The following CATSPER3 variants were observed in gnomAD, a reference collection of about 807,000 sequenced individuals.
CATSPER3 encodes the protein cation channel sperm-associated protein 3.
In CATSPER3, 23 loss-of-function variants were observed where a neutral mutation model predicts 36.6. That is an observed-to-expected ratio of 0.63 (90% CI 0.45 to 0.89). The LOEUF is 0.89. Among genes scored for constraint, CATSPER3 ranks in the 40% least tolerant of loss-of-function variants. CATSPER3 has a pLI of 0.00. For missense variants in CATSPER3, 474 were observed against 503.9 expected (o/e 0.94, Z 0.57); for synonymous variants, 172 against 184.1 (o/e 0.93, Z 0.53).
chr5:134,998,410 T>C lies in CATSPER3; in HGVS notation c.492+1898T>C, dbSNP rs965396846. On this transcript the variant is annotated intron_variant, in intron 3 of 7. Coordinates refer to ENST00000282611, the MANE Select transcript of CATSPER3 (RefSeq NM_178019.3). ...TGCATGTGTCTTTATAGCAGCATGATTTATAATCCTTTGGGTATATACCCA... is the reference window on the plus strand; with the variant it reads ...TGCATGTGTCTTTATAGCAGCATGACTTATAATCCTTTGGGTATATACCCA... 4.6e-5 allele frequency among the ~76,000 whole-genome samples: 7 copies of C among 152,352 alleles called. No homozygotes were observed. The South Asian group carries it at 1.0e-3, about 23-fold the overall frequency.
intron 6 of CATSPER3, 56 bp downstream of exon 6, chr5:135,009,546 G>A (rs2149554104): frequency 2.0e-6 from 1 of 506,066 alleles, no homozygotes; most frequent in Admixed American, 3.7e-5. Context: ...TCAGGCTGAT[G>A]AGATGGCCAG....
chr5:135,007,805 C>CAA, intron 3 of CATSPER3, 152 bp from the exon 4 acceptor site: 4 of 47,928 alleles, frequency 8.3e-5, no homozygotes, highest in Admixed American at 2.9e-4. Flanking sequence ...AACCAACCAA[C>CAA]CCACCCACCC....
intron 2 of CATSPER3, among the ~76,000 whole-genome samples, chr5:134,977,910 A>AAG (rs1352841392): frequency 6.6e-6 from 1 of 152,068 alleles, no homozygotes; most frequent in Non-Finnish European, 1.5e-5. Context: ...GAGAGAGAGC[A>AAG]AGAGAGAGAG....
chr5:134,968,193 C>G, intron 1 of CATSPER3, 104 bp downstream of exon 1: 1 of 825,912 alleles, frequency 1.2e-6, no homozygotes, highest in Non-Finnish European at 2.0e-6. Flanking sequence ...TACTCGTCTG[C>G]TTACCAAAAT....
chr5:134,979,128 A>G (rs1057235598), intron 2 of CATSPER3, among the ~76,000 whole-genome samples: 7 of 151,816 alleles, frequency 4.6e-5, no homozygotes, highest in African/African-American at 1.7e-4. Context: ...CCTTGGTTCC[A>G]GAGCAGACTT....
chr5:134,994,720 T>C (rs1751922442), intron 2 of CATSPER3, among the ~76,000 whole-genome samples: 1 of 152,218 alleles, frequency 6.6e-6, no homozygotes, highest in African/African-American at 2.4e-5. Flanking sequence ...GACAGTTTGC[T>C]TGTCTAACCA....
At chr5:134,989,301 A>G (rs1254631597) in intron 2 of CATSPER3, among the ~76,000 whole-genome samples, 1 of 152,062 alleles carries the variant, frequency 6.6e-6, no homozygotes, top group African/African-American at 2.4e-5. Context: ...TTACCCCCTA[A>G]CAAGAGAGTC....
At position 134,968,098 on chromosome 5, in the gene CATSPER3, T is replaced by G. The variant is rs376218231; in HGVS notation, c.98+9T>G. On this transcript the variant is annotated intron_variant, in intron 1 of 7. Coordinates refer to ENST00000282611, the MANE Select transcript of CATSPER3 (RefSeq NM_178019.3). Reference sequence around the variant, plus strand: ...ACATTCAAGAAATTTAAGTAAATATTATCTATCTCCATTGCCTGTTAAGAA... The same window carrying G: ...ACATTCAAGAAATTTAAGTAAATATGATCTATCTCCATTGCCTGTTAAGAA... The G allele has an allele frequency of 3.2e-6, 5 of 1,568,530 alleles. No homozygotes were observed. In the African/African-American group the frequency reaches 6.8e-5, roughly 21 times the overall value.
chr5:134,986,382 G>C (rs1751808466), intron 2 of CATSPER3, among the ~76,000 whole-genome samples: 2 of 151,030 alleles, frequency 1.3e-5, no homozygotes, highest in African/African-American at 4.9e-5. Context: ...GACCTCAGGT[G>C]ATCCACTCAC....
intron 6 of CATSPER3, 43 bp downstream of exon 6, chr5:135,009,533 T>C (rs1360053075): frequency 3.5e-6 from 3 of 847,468 alleles, no homozygotes; most frequent in Non-Finnish European, 4.6e-6. Context: ...GGTGGATGGA[T>C]CGTCAGGCTG....
intron 2 of CATSPER3, among the ~76,000 whole-genome samples, chr5:134,977,975 G>C (rs955060503): frequency 3.3e-5 from 5 of 152,118 alleles, no homozygotes; most frequent in African/African-American, 1.2e-4. Flanking sequence ...CTCAGAGTGA[G>C]AACTCACTTA....
At chr5:134,995,817 G>T in intron 2 of CATSPER3, 1 of 237,146 alleles carries the variant, frequency 4.2e-6, no homozygotes, top group East Asian at 9.1e-5. Context: ...CGTTCATAAA[G>T]TGTAAAAGAA....
At chr5:135,009,051 A>C (rs1171365862) in intron 5 of CATSPER3, 70 bp downstream of exon 5, 2 of 1,604,104 alleles carry the variant, frequency 1.2e-6, no homozygotes, top group African/African-American at 2.7e-5. Context: ...GCAAGTCTCC[A>C]GGGAGGACCT....
At chr5:135,000,283 G>T (rs1048531464) in intron 3 of CATSPER3, among the ~76,000 whole-genome samples, 5 of 152,186 alleles carry the variant, frequency 3.3e-5, no homozygotes, top group Admixed American at 6.5e-5. Context: ...CTTGATCATG[G>T]TGGATAAGCT....
At chr5:134,991,569 A>C (rs1388236851) in intron 2 of CATSPER3, among the ~76,000 whole-genome samples, 1 of 152,200 alleles carries the variant, frequency 6.6e-6, no homozygotes, top group Non-Finnish European at 1.5e-5. Flanking sequence ...TTCAACAAAT[A>C]GTATTTGGAC....
At chr5:135,006,975 C>A (rs113891921) in intron 3 of CATSPER3, among the ~76,000 whole-genome samples, 2 of 152,100 alleles carry the variant, frequency 1.3e-5, no homozygotes, top group Non-Finnish European at 2.9e-5. Context: ...AGCGCCAAAC[C>A]GTTCCGCATG....
chr5:135,001,126 C>T (rs1038555574), intron 3 of CATSPER3, among the ~76,000 whole-genome samples: 1 of 152,118 alleles, frequency 6.6e-6, no homozygotes, highest in Non-Finnish European at 1.5e-5. Flanking sequence ...TATGCTGTGT[C>T]TTTGTTCTCC....
In CATSPER3 at chr5:135,009,509, C is replaced by G; in HGVS notation, c.936+19C>G. ...CATACAGGTGAGTGGCCCCTGCAGGCAGGTGGACAGATGGGTGGATGGATC... is the reference window on the plus strand; with the variant it reads ...CATACAGGTGAGTGGCCCCTGCAGGGAGGTGGACAGATGGGTGGATGGATC... On this transcript the variant is annotated intron_variant, in intron 6 of 7. Transcript: ENST00000282611. 1 of 1,281,350 alleles carries G rather than the reference C, an allele frequency of 7.8e-7. No homozygotes were observed. The highest frequency in any genetic ancestry group is 3.4e-5 in the African/African-American group (1 of 29,782). 79.4% of individuals were successfully genotyped at this position (1,281,350 alleles called of 1,614,324 possible).
intron 2 of CATSPER3, among the ~76,000 whole-genome samples, chr5:134,982,799 T>C (rs976804940): frequency 1.3e-5 from 2 of 152,230 alleles, no homozygotes; most frequent in Non-Finnish European, 1.5e-5. Flanking sequence ...AAAGCTAGTG[T>C]TATTGTGTAT....
Sources: gnomAD v4.1 joint callset for allele counts (sites outside exome capture counted in the v4.1 genomes callset) on GRCh38, gnomAD v4.1.1 for gene constraint, MANE v1.5 for transcripts, NCBI Gene and HGNC (gene_info 2026-07-23, HGNC 2026-07-21) for gene names.